The following NCALD variants were observed in gnomAD, a reference collection of about 807,000 sequenced individuals.
NCALD encodes the protein neurocalcin-delta.
In NCALD, 10 loss-of-function variants were observed where a neutral mutation model predicts 18.6. The observed-to-expected ratio is 0.54, with a 90% CI of 0.33 to 0.91. NCALD has a LOEUF of 0.91. Among genes scored for constraint, NCALD ranks in the 40% least tolerant of loss-of-function variants. NCALD has a pLI of 0.03. For synonymous variants in NCALD, 88 were observed against 87.4 expected (o/e 1.01, Z -0.04); for missense variants, 184 against 247.6 (o/e 0.74, Z 1.72).
intron 1 of NCALD, among the ~76,000 whole-genome samples, chr8:102,053,586 A>G: frequency 6.6e-6 from 1 of 152,310 alleles, no homozygotes; most frequent in East Asian, 1.9e-4. Flanking sequence ...GCTAATACAC[A>G]GTGGAGCCAG....
chr8:102,048,932 A>C (rs1033469433), intron 1 of NCALD, among the ~76,000 whole-genome samples: 1 of 152,132 alleles, frequency 6.6e-6, no homozygotes, highest in Non-Finnish European at 1.5e-5. Flanking sequence ...TGGTAGTGGG[A>C]GAGTTAGGAT....
At chr8:101,735,068 A>C (rs1817014480) in intron 1 of NCALD, among the ~76,000 whole-genome samples, 1 of 152,202 alleles carries the variant, frequency 6.6e-6, no homozygotes, top group Non-Finnish European at 1.5e-5. Context: ...GAAGCAAGGA[A>C]GGGAGAAAAG....
chr8:101,804,956 T>G (rs1813045303), intron 4 of NCALD, among the ~76,000 whole-genome samples: 1 of 151,992 alleles, frequency 6.6e-6, no homozygotes, highest in South Asian at 2.1e-4. Flanking sequence ...TATCAAAACT[T>G]ACATGCAACA....
chr8:101,885,917 C>A (rs975054317), intron 4 of NCALD, among the ~76,000 whole-genome samples: 2 of 152,192 alleles, frequency 1.3e-5, no homozygotes, highest in African/African-American at 4.8e-5. Context: ...GCAATGGCAA[C>A]TGCCATGTCT....
At chr8:102,102,072 T>TA (rs1231375194) in intron 1 of NCALD, among the ~76,000 whole-genome samples, 1 of 152,240 alleles carries the variant, frequency 6.6e-6, no homozygotes, top group Non-Finnish European at 1.5e-5. Context: ...AGTGTTTTTC[T>TA]TATTATTGCT....
intron 4 of NCALD, among the ~76,000 whole-genome samples, chr8:101,825,707 C>T (rs748954425): frequency 5.3e-5 from 8 of 152,140 alleles, no homozygotes; most frequent in Non-Finnish European, 1.0e-4. Flanking sequence ...TCTGAGTTCC[C>T]TTGACTTAAA....
intron 2 of NCALD, among the ~76,000 whole-genome samples, chr8:101,696,425 C>T (rs1814995455): frequency 6.6e-6 from 1 of 152,178 alleles, no homozygotes; most frequent in Non-Finnish European, 1.5e-5. Context: ...TTAGGGTAGG[C>T]TTCTCTGAGG....
Position 101,872,224 on chromosome 8 carries a change from G to A in NCALD, c.-20+14917C>T, listed in dbSNP as rs1218645756. The A allele has an allele frequency of 4.7e-6, 7 of 1,493,158 alleles. No individual in the cohort carries two copies. The East Asian group carries it at 6.8e-5, about 14-fold the overall frequency. 92.5% of individuals were successfully genotyped at this position (1,493,158 alleles called of 1,614,324 possible). A position where few individuals can be genotyped will look rare whatever the true frequency, so the allele number is the denominator to read the frequency against. On this transcript the variant is annotated intron_variant, in intron 4 of 6. Transcript: ENST00000311028. ...CAAGATGACCCACAAGCCCTCACTGGCTTTGGTAACTTCTTGAACATAATA... is the reference window on the plus strand; with the variant it reads ...CAAGATGACCCACAAGCCCTCACTGACTTTGGTAACTTCTTGAACATAATA...
At chr8:101,788,171 C>T (rs759448426) in intron 1 of NCALD, among the ~76,000 whole-genome samples, 2 of 152,124 alleles carry the variant, frequency 1.3e-5, no homozygotes, top group African/African-American at 2.4e-5. Flanking sequence ...GCGGTGGAAC[C>T]GAATGTGGAA....
intron 2 of NCALD, among the ~76,000 whole-genome samples, chr8:101,971,288 T>C (rs1232719943): frequency 6.6e-6 from 1 of 152,116 alleles, no homozygotes; most frequent in African/African-American, 2.4e-5. Flanking sequence ...GCATCATTCC[T>C]TCTCTCAGAC....
rs987616225 is a variant in NCALD, at chr8:102,006,544, C to T, written c.-157+13693G>A. Among the ~76,000 whole-genome samples, 13 of 152,192 alleles carry T rather than the reference C, an allele frequency of 8.5e-5. 1 individual carries two copies. Among genetic ancestry groups the T allele is most frequent in the Admixed American group, 7.2e-4 (11 of 15,276 alleles). ...GCCCGGGAACAGTATGGTCCATTCC[C>T]TGCCCTCTGGCTTCTTGTTGAGTTC... On this transcript the variant is annotated intron_variant, in intron 2 of 6. Transcript: ENST00000311028.
chr8:101,968,509 A>T (rs912359813), intron 2 of NCALD, among the ~76,000 whole-genome samples: 2 of 152,164 alleles, frequency 1.3e-5, no homozygotes, highest in African/African-American at 4.8e-5. Flanking sequence ...GTTTGACACC[A>T]AGGTACTGCC....
intron 4 of NCALD, among the ~76,000 whole-genome samples, chr8:101,870,059 T>G (rs1815938477): frequency 6.6e-6 from 1 of 152,116 alleles, no homozygotes; most frequent in African/African-American, 2.4e-5. Context: ...TTGAGGAAAT[T>G]AAAAACAGAA....
At chr8:101,728,880 G>A (rs114233336) in intron 1 of NCALD, among the ~76,000 whole-genome samples, 2,488 of 152,264 alleles carry the variant, frequency 0.016, 63 homozygotes, top group African/African-American at 0.057. Flanking sequence ...CCTAATTTGG[G>A]GCATGTAATC....
intron 3 of NCALD, among the ~76,000 whole-genome samples, chr8:101,892,533 G>A (rs1330843857): frequency 1.3e-5 from 2 of 149,270 alleles, no homozygotes; most frequent in Non-Finnish European, 2.9e-5. Flanking sequence ...GACAAATTGA[G>A]AGAAGAAGGC....
At chr8:101,831,269 TCCTAAGGTTG>T (rs1382305963) in intron 4 of NCALD, among the ~76,000 whole-genome samples, 4 of 152,184 alleles carry the variant, frequency 2.6e-5, no homozygotes. Context: ...GGGAAATTCC[TCCTAAGGTTG>T]CCATGAGGAT....
At chr8:101,739,699 C>G (rs1810101999) in intron 1 of NCALD, among the ~76,000 whole-genome samples, 1 of 152,186 alleles carries the variant, frequency 6.6e-6, no homozygotes, top group African/African-American at 2.4e-5. Flanking sequence ...TGGACTTACA[C>G]CAGTGATTTG....
chr8:101,950,389 A>G (rs1022373122), intron 2 of NCALD: 2 of 152,174 alleles, frequency 1.3e-5, no homozygotes, highest in South Asian at 4.1e-4. Flanking sequence ...AAAAGAGACA[A>G]CAGTAATGAA....
chr8:101,988,291 C>G (rs969158391), intron 2 of NCALD, among the ~76,000 whole-genome samples: 1 of 151,660 alleles, frequency 6.6e-6, no homozygotes, highest in African/African-American at 2.4e-5. Context: ...GTGTTATATA[C>G]GTAATATACA....
Sources: gnomAD v4.1 joint callset for allele counts (sites outside exome capture counted in the v4.1 genomes callset) on GRCh38, gnomAD v4.1.1 for gene constraint, MANE v1.5 for transcripts, NCBI Gene and HGNC (gene_info 2026-07-23, HGNC 2026-07-21) for gene names.